Variants in VWF observed in about 807,000 individuals in gnomAD.
VWF encodes the protein von Willebrand factor.
In VWF, 176 loss-of-function variants were observed where a neutral mutation model predicts 308.6. That is an observed-to-expected ratio of 0.57 (90% CI 0.50 to 0.65). The LOEUF (loss-of-function observed/expected upper bound fraction) is 0.65, where lower values mean the gene tolerates loss of function less well. Among genes scored for constraint, VWF ranks in the 30% least tolerant of loss-of-function variants. The probability of loss-of-function intolerance (pLI) is 0.00; values close to 1 mark genes in which losing one functional copy is unlikely to be tolerated. For missense variants in VWF, 3,146 were observed against 3,648.2 expected (o/e 0.86, Z 3.55); for synonymous variants, 1,385 against 1,443.4 (o/e 0.96, Z 0.92).
At chr12:6,117,035 CCA>C (rs1266166232) in intron 3 of VWF, among the ~76,000 whole-genome samples, 22 of 152,126 alleles carry the variant, frequency 1.4e-4, no homozygotes, top group Non-Finnish European at 2.4e-4. Context: ...TCCTCTTCTC[CCA>C]CACACCCCAA....
At chr12:6,029,247 A>T in intron 22 of VWF, 95 bp downstream of exon 22, 1 of 1,543,268 alleles carries the variant, frequency 6.5e-7, no homozygotes, top group Non-Finnish European at 8.9e-7. Flanking sequence ...GAGCACCTGG[A>T]TTCATAAAGC....
At chr12:6,111,531 T>A (rs1264994355) in intron 3 of VWF, among the ~76,000 whole-genome samples, 1 of 152,084 alleles carries the variant, frequency 6.6e-6, no homozygotes, top group Non-Finnish European at 1.5e-5. Context: ...TACCACCACA[T>A]CCAGCTAATT....
rs148701632 is a variant in VWF, at chr12:6,087,555, C to T, written c.657+7905G>A. ...TTTTTTTTTGTATTGTTAGTAGAGA[C>T]GGGGCTTCACTGTGTTAGCCAGGAT... On this transcript the variant is annotated intron_variant, in intron 6 of 51. Transcript: ENST00000261405. Among the ~76,000 whole-genome samples the T allele has an allele frequency of 1.3e-3, 192 of 145,930 alleles. 11 individuals carry two copies. The highest frequency in any genetic ancestry group is 3.0e-3 in the African/African-American group (118 of 39,216).
chr12:6,097,654 T>C (rs1311434309), intron 5 of VWF, among the ~76,000 whole-genome samples: 2 of 152,226 alleles, frequency 1.3e-5, no homozygotes, highest in South Asian at 2.1e-4. Context: ...AACACCTTGA[T>C]TGCAAACTTC....
chr12:6,117,769 C>T (rs1035339227), intron 3 of VWF, among the ~76,000 whole-genome samples: 6 of 152,092 alleles, frequency 3.9e-5, no homozygotes, highest in African/African-American at 7.2e-5. Context: ...GAGCCGAGAT[C>T]GCACCACTGC....
intron 3 of VWF, among the ~76,000 whole-genome samples, chr12:6,111,351 C>A (rs138848459): frequency 5.8e-4 from 88 of 152,250 alleles, no homozygotes; most frequent in African/African-American, 2.0e-3. Flanking sequence ...AACAGGTGCT[C>A]TAGGAGAGTG....
chr12:6,073,897 C>A (rs1380479205), intron 7 of VWF, among the ~76,000 whole-genome samples, 156 bp from the exon 8 acceptor site: 1 of 152,146 alleles, frequency 6.6e-6, no homozygotes, highest in Admixed American at 6.5e-5. Context: ...AGCCACGTGC[C>A]CCCCTGAGGC....
At chr12:5,981,409 T>A (rs1313142149) in intron 42 of VWF, among the ~76,000 whole-genome samples, 1 of 152,198 alleles carries the variant, frequency 6.6e-6, no homozygotes, top group Non-Finnish European at 1.5e-5. Context: ...ATCCATGCAA[T>A]CATGTTATTT....
At chr12:6,123,223 G>A in intron 1 of VWF, 27 bp from the exon 2 acceptor site, 1 of 1,614,120 alleles carries the variant, frequency 6.2e-7, no homozygotes, top group Non-Finnish European at 8.5e-7. Flanking sequence ...GACGTGAGCT[G>A]GTCATTGCTG....
At chr12:6,103,392 G>GTA (rs1945193929) in intron 5 of VWF, among the ~76,000 whole-genome samples, 1 of 119,812 alleles carries the variant, frequency 8.3e-6, no homozygotes, top group Non-Finnish European at 1.6e-5. Flanking sequence ...ACACGTGTGT[G>GTA]TATACACGTG....
intron 15 of VWF, among the ~76,000 whole-genome samples, chr12:6,053,306 C>T (rs1944540120): frequency 6.6e-6 from 1 of 152,194 alleles, no homozygotes; most frequent in African/African-American, 2.4e-5. Context: ...GCCGAGTTAG[C>T]TCTCATCACC....
At chr12:6,038,839 T>C (rs216335) in intron 18 of VWF, among the ~76,000 whole-genome samples, 139,824 of 152,294 alleles carry the variant, frequency 0.92, 64,321 homozygotes, top group African/African-American at 0.96. Context: ...TAATCTTCAA[T>C]GAGAGGAAAG....
At chr12:6,045,148 T>C (rs754356241) in intron 17 of VWF, among the ~76,000 whole-genome samples, 3 of 152,236 alleles carry the variant, frequency 2.0e-5, no homozygotes, top group Non-Finnish European at 4.4e-5. Context: ...CGCATTGACA[T>C]ATCCTACTTC....
rs1327232166 is a variant in VWF at position 6,108,340 on chromosome 12, C to T, written c.532+2034G>A. 1.7e-4 allele frequency among the ~76,000 whole-genome samples: 23 copies of T among 132,964 alleles called. 1 individual carries two copies. The highest frequency in any genetic ancestry group is 3.9e-4 in the African/African-American group (11 of 28,166). 87.2% of individuals were successfully genotyped at this position (132,964 alleles called of 152,430 possible). On this transcript the variant is annotated intron_variant, in intron 5 of 51. Coordinates refer to ENST00000261405, the MANE Select transcript of VWF (RefSeq NM_000552.5). The stretch of plus-strand genomic sequence containing the variant: ...AAAGAAAGAAAGAAATATATACACA[C>T]ACACACACACACACACACACACACA...
rs1192830957 is a variant in VWF at position 6,019,700 on chromosome 12, G to A, written c.3718C>T (p.Pro1240Ser). ...VNLTCEACQEPGGLVVPPTDA... is the reference protein window; with the variant it reads ...VNLTCEACQESGGLVVPPTDA... ...GTGGGAGGCACCACCAGGCCTCCCG[G>A]CTCCTGGCAGGCTTCACAGGTGAGG... The change falls in exon 28 of 52, where the codon CCG becomes TCG. Residue 1240 changes from proline to serine, a missense_variant. By Grantham distance (74) the Pro-to-Ser change is moderately conservative. Transcript: ENST00000261405. The surrounding 1 kb of genome is among the most constrained non-coding windows in gnomAD (Gnocchi z 5.8). The A allele has an allele frequency of 6.2e-7, 1 of 1,613,652 alleles. No homozygotes were observed. Among genetic ancestry groups the A allele is most frequent in the Non-Finnish European group, 8.5e-7 (1 of 1,179,802 alleles).
At chr12:5,976,015 C>CAA (rs5796198) in intron 43 of VWF, 96 bp downstream of exon 43, 15,476 of 1,261,520 alleles carry the variant, frequency 0.012, no homozygotes, top group East Asian at 0.015. Flanking sequence ...GTCTCCATTT[C>CAA]AAAAAAAAAA....
At chr12:6,066,386 T>C (rs986250261) in intron 10 of VWF, among the ~76,000 whole-genome samples, 1 of 152,242 alleles carries the variant, frequency 6.6e-6, no homozygotes, top group African/African-American at 2.4e-5. Flanking sequence ...ATCTTTGCTA[T>C]CTACTCTACA....
chr12:6,016,137 C>T lies in VWF; in HGVS notation c.5407G>A (p.Val1803Ile), dbSNP rs1226550750. 23 of 1,614,052 alleles carry T rather than the reference C, an allele frequency of 1.4e-5. No homozygotes were observed. The East Asian group carries it at 1.8e-4, about 13-fold the overall frequency. Reference protein sequence around the residue: ...SKAVVILVTDVSVDSVDAAAD... With the variant: ...SKAVVILVTDISVDSVDAAAD... ...GCTGCATCCACTGAATCCACAGAGA[C>T]GTCCGTGACCAGGATGACCACCGCC... The change falls in exon 31 of 52, where the codon GTC becomes ATC. Residue 1803 changes from valine (V) to isoleucine (I), a missense_variant. By Grantham distance (29) the Val-to-Ile change is conservative. Transcript: ENST00000261405.
chr12:6,062,885 AC>A, intron 13 of VWF, 68 bp downstream of exon 13: 3 of 1,318,994 alleles, frequency 2.3e-6, no homozygotes, highest in Non-Finnish European at 2.1e-6. Flanking sequence ...AAGCCATTCT[AC>A]CCAGAGCACA....
Sources: allele counts gnomAD v4.1 joint callset (sites outside exome capture counted in the v4.1 genomes callset), GRCh38; gene constraint gnomAD v4.1.1; non-coding constraint Gnocchi (gnomAD v3.1); transcripts MANE v1.5; gene names NCBI Gene and HGNC (gene_info 2026-07-23, HGNC 2026-07-21).